The following MCUB variants were observed in gnomAD, a reference collection of about 807,000 sequenced individuals.
MCUB encodes the protein mitochondrial calcium uniporter dominant negative subunit beta.
Under a neutral mutation model 41.4 loss-of-function variants are expected in MCUB, and 46 were observed. That is an observed-to-expected ratio of 1.11 (90% confidence interval 0.88 to 1.42). The LOEUF is 1.42. Ranked by LOEUF, MCUB falls within the 40% of genes most tolerant of loss-of-function variation. MCUB has a pLI of 0.00. For synonymous variants in MCUB, 148 were observed against 148.2 expected (o/e 1.00, Z 0.01); for missense variants, 403 against 404.9 (o/e 1.00, Z 0.04).
At chr4:109,592,041 G>A (rs926690818) in intron 1 of MCUB, among the ~76,000 whole-genome samples, 1 of 152,058 alleles carries the variant, frequency 6.6e-6, no homozygotes, top group African/African-American at 2.4e-5. Flanking sequence ...ATGTTCTTTT[G>A]AGGTTTCTCT....
At chr4:109,657,261 C>G (rs1436108717) in intron 1 of MCUB, among the ~76,000 whole-genome samples, 2 of 149,850 alleles carry the variant, frequency 1.3e-5, no homozygotes, top group African/African-American at 4.9e-5. Context: ...AATGAACAGT[C>G]TTAATGTAAA....
At chr4:109,673,587 A>G (rs1459347767) in intron 4 of MCUB, among the ~76,000 whole-genome samples, 1 of 152,266 alleles carries the variant, frequency 6.6e-6, no homozygotes, top group Non-Finnish European at 1.5e-5. Flanking sequence ...TGGCAGAGGA[A>G]TCATACTGGA....
intron 1 of MCUB, among the ~76,000 whole-genome samples, chr4:109,613,009 A>C (rs911908868): frequency 1.3e-5 from 2 of 152,024 alleles, no homozygotes; most frequent in Admixed American, 1.3e-4. Context: ...GCGAGGCTGA[A>C]GCAGGAGAAT....
Position 109,634,001 on chromosome 4 carries a change from C to G in MCUB, c.100-25010C>G, listed in dbSNP as rs1451292031. Among the ~76,000 whole-genome samples the G allele has an allele frequency of 2.0e-5, 3 of 151,728 alleles. No homozygotes were observed. The East Asian group carries it at 5.8e-4, about 29-fold the overall frequency. On this transcript the variant is annotated intron_variant, in intron 1 of 7. Coordinates refer to ENST00000394650, the MANE Select transcript of MCUB (RefSeq NM_017918.5). The stretch of plus-strand genomic sequence containing the variant: ...TCATTGTATTATTCCTGTCCTAACT[C>G]TTATTATTATAAAGAAATCTCACCA...
At chr4:109,650,866 AATT>A (rs773846108) in intron 1 of MCUB, among the ~76,000 whole-genome samples, 27 of 152,154 alleles carry the variant, frequency 1.8e-4, no homozygotes, top group Non-Finnish European at 3.4e-4. Flanking sequence ...TAAAGATTAC[AATT>A]ATTTTGTAGA....
Position 109,661,994 on chromosome 4 carries a change from C to A in MCUB, c.346+1629C>A, listed in dbSNP as rs541683763. The stretch of plus-strand genomic sequence containing the variant: ...GTTGCTGTGGTCCGAGATGGCACCA[C>A]TGCACTCCAGCCTGAGTGATAGAGT... On this transcript the variant is annotated intron_variant, in intron 3 of 7. Transcript: ENST00000394650. 1.2e-3 allele frequency among the ~76,000 whole-genome samples: 184 copies of A among 152,290 alleles called. 1 individual carries two copies. The highest frequency in any genetic ancestry group is 4.3e-3 in the African/African-American group (179 of 41,564).
chr4:109,593,426 GC>G (rs1177365193), intron 1 of MCUB, among the ~76,000 whole-genome samples: 1 of 152,158 alleles, frequency 6.6e-6, no homozygotes, highest in Non-Finnish European at 1.5e-5. Flanking sequence ...ACTTGATGCA[GC>G]CCTGTTGCCT....
chr4:109,595,468 A>G (rs1228953391), intron 1 of MCUB, among the ~76,000 whole-genome samples: 1 of 147,940 alleles, frequency 6.8e-6, no homozygotes, highest in East Asian at 2.0e-4. Context: ...AAGTAATCAA[A>G]GAATGGAAAA....
intron 4 of MCUB, among the ~76,000 whole-genome samples, chr4:109,681,936 C>T (rs905671939): frequency 6.6e-6 from 1 of 152,206 alleles, no homozygotes. Flanking sequence ...GGAGGGGACC[C>T]AAAGGGGGTT....
intron 1 of MCUB, among the ~76,000 whole-genome samples, chr4:109,619,298 C>T (rs28515508): frequency 0.24 from 37,001 of 151,972 alleles, 5,476 homozygotes; most frequent in South Asian, 0.37. Flanking sequence ...GGGCTGGTGT[C>T]GAACTCCTGA....
At chr4:109,669,737 T>C (rs1729415793) in intron 4 of MCUB, among the ~76,000 whole-genome samples, 1 of 152,022 alleles carries the variant, frequency 6.6e-6, no homozygotes, top group African/African-American at 2.4e-5. Context: ...TGCTTACCAG[T>C]TTTGAAAGTT....
intron 1 of MCUB, among the ~76,000 whole-genome samples, chr4:109,567,535 A>T (rs1221714068): frequency 1.5e-4 from 21 of 139,290 alleles, no homozygotes; most frequent in Admixed American, 4.5e-4. Flanking sequence ...TTAGCCAGAC[A>T]TGGTGGCACG....
At chr4:109,587,744 A>T (rs578019322) in intron 1 of MCUB, among the ~76,000 whole-genome samples, 4 of 152,238 alleles carry the variant, frequency 2.6e-5, no homozygotes, top group Admixed American at 2.6e-4. Context: ...TAAGTGTTGC[A>T]TAAGTATTGA....
intron 1 of MCUB, among the ~76,000 whole-genome samples, chr4:109,577,098 T>A (rs1050014951): frequency 1.3e-5 from 2 of 152,158 alleles, no homozygotes; most frequent in Non-Finnish European, 1.5e-5. Flanking sequence ...GTGATCTGCC[T>A]GCCTCCGCCT....
chr4:109,614,473 C>G (rs182230520), intron 1 of MCUB, among the ~76,000 whole-genome samples: 1 of 151,860 alleles, frequency 6.6e-6, no homozygotes, highest in South Asian at 2.1e-4. Flanking sequence ...TTCTGCACTC[C>G]GCTATGTGAG....
intron 1 of MCUB, among the ~76,000 whole-genome samples, chr4:109,601,598 T>TC (rs2126131246): frequency 6.6e-6 from 1 of 152,326 alleles, no homozygotes; most frequent in East Asian, 1.9e-4. Flanking sequence ...TGAATAGTGT[T>TC]CTGCTGTGTA....
intron 1 of MCUB, among the ~76,000 whole-genome samples, chr4:109,616,430 AT>A (rs1345159748): frequency 1.3e-5 from 2 of 152,194 alleles, no homozygotes; most frequent in Non-Finnish European, 2.9e-5. Flanking sequence ...ATAGGGCTGT[AT>A]TGTCCATGTT....
chr4:109,656,354 C>CTTTTTTTTTTTTTT (rs752851425), intron 1 of MCUB, among the ~76,000 whole-genome samples: 1 of 62,116 alleles, frequency 1.6e-5, no homozygotes, highest in African/African-American at 5.4e-5. Context: ...TTACTCTCTA[C>CTTTTTTTTTTTTTT]TTTTTTTTTT....
At chr4:109,668,706 T>G (rs1729395030) in intron 4 of MCUB, among the ~76,000 whole-genome samples, 1 of 152,044 alleles carries the variant, frequency 6.6e-6, no homozygotes, top group African/African-American at 2.4e-5. Flanking sequence ...CTGTTTTTTT[T>G]TTTCCTGTTT....
Sources: allele counts gnomAD v4.1 joint callset (sites outside exome capture counted in the v4.1 genomes callset), GRCh38; gene constraint gnomAD v4.1.1; transcripts MANE v1.5; gene names NCBI Gene and HGNC (gene_info 2026-07-23, HGNC 2026-07-21).